GPM6A: variants seen among roughly 807,000 people sequenced by gnomAD.
GPM6A encodes the protein glycoprotein M6A.
Under a neutral mutation model 32.1 loss-of-function variants are expected in GPM6A, and 7 were observed. The observed-to-expected ratio is 0.22, with a 90% confidence interval of 0.12 to 0.41. GPM6A has a LOEUF of 0.41. GPM6A is among the 10% of genes least tolerant of loss of function. The probability of loss-of-function intolerance (pLI) is 1.00; values close to 1 mark genes in which losing one functional copy is unlikely to be tolerated. For missense variants in GPM6A, 235 were observed against 347.2 expected (o/e 0.68, Z 2.57); for synonymous variants, 130 against 123.4 (o/e 1.05, Z -0.35).
intron 1 of GPM6A, among the ~76,000 whole-genome samples, chr4:175,914,915 C>T (rs912525927): frequency 9.9e-5 from 15 of 152,080 alleles, no homozygotes; most frequent in African/African-American, 3.1e-4. Flanking sequence ...CAAGCAATAA[C>T]AATCAAGAAC....
At chr4:175,750,737 T>C (rs1359302914) in intron 1 of GPM6A, among the ~76,000 whole-genome samples, 1 of 152,022 alleles carries the variant, frequency 6.6e-6, no homozygotes, top group Non-Finnish European at 1.5e-5. Context: ...CATGCCCAGC[T>C]AATTTCCTGT....
chr4:175,768,946 T>A (rs913407108), intron 1 of GPM6A, among the ~76,000 whole-genome samples: 2 of 151,920 alleles, frequency 1.3e-5, no homozygotes, highest in African/African-American at 4.8e-5. Context: ...AATACCAAAA[T>A]TAGCTGGGCG....
intron 4 of GPM6A, among the ~76,000 whole-genome samples, chr4:175,651,143 T>C (rs1399139265): frequency 1.3e-5 from 2 of 152,108 alleles, no homozygotes. Flanking sequence ...CTTGGATAAG[T>C]CACTGAACAA....
chr4:175,673,936 T>C (rs918542498), intron 2 of GPM6A, 100 bp from the exon 3 acceptor site: 10 of 713,932 alleles, frequency 1.4e-5, no homozygotes, highest in Admixed American at 2.8e-5. Flanking sequence ...ATGAAAGTTA[T>C]AGAATATTTA....
chr4:175,807,549 T>C (rs1324238192), intron 1 of GPM6A: 1 of 152,208 alleles, frequency 6.6e-6, no homozygotes, highest in Non-Finnish European at 1.5e-5. Context: ...CTGAGAGTCA[T>C]CTTTTCCCCG....
chr4:175,886,257 A>G (rs1737451828), intron 1 of GPM6A, among the ~76,000 whole-genome samples: 1 of 152,188 alleles, frequency 6.6e-6, no homozygotes, highest in Non-Finnish European at 1.5e-5. Flanking sequence ...CTTAAAAGCA[A>G]CTAAAGAAAA....
chr4:175,921,479 T>C (rs1022755746), intron 1 of GPM6A, among the ~76,000 whole-genome samples: 2 of 150,888 alleles, frequency 1.3e-5, no homozygotes, highest in Non-Finnish European at 3.0e-5. Context: ...AATCCACGCA[T>C]GATCCTGCCA....
chr4:175,734,764 TC>T (rs1231956858), intron 1 of GPM6A, among the ~76,000 whole-genome samples: 1 of 151,996 alleles, frequency 6.6e-6, no homozygotes, highest in East Asian at 1.9e-4. Context: ...TCCCAGCTAC[TC>T]GGGAGGCTGA....
intron 1 of GPM6A, among the ~76,000 whole-genome samples, chr4:175,826,334 C>CGTGTGT (rs142364470): frequency 6.7e-6 from 1 of 149,756 alleles, no homozygotes; most frequent in Non-Finnish European, 1.5e-5. Flanking sequence ...GTGGCGTACA[C>CGTGTGT]GTGTGTGTGT....
intron 1 of GPM6A, among the ~76,000 whole-genome samples, chr4:175,900,074 G>A (rs1737910060): frequency 1.3e-5 from 2 of 152,024 alleles, no homozygotes; most frequent in Admixed American, 1.3e-4. Flanking sequence ...GAGATCAGGA[G>A]TTCAAGATCA....
chr4:175,997,888 T>A (rs969666822), intron 1 of GPM6A, among the ~76,000 whole-genome samples: 1 of 152,204 alleles, frequency 6.6e-6, no homozygotes, highest in Non-Finnish European at 1.5e-5. Context: ...ACTGTTCTTA[T>A]GTTGGGGCAT....
At chr4:175,915,247 T>A (rs1738453920) in intron 1 of GPM6A, among the ~76,000 whole-genome samples, 2 of 151,812 alleles carry the variant, frequency 1.3e-5, no homozygotes. Context: ...ATTTGTAACA[T>A]CTATACCAGA....
At chr4:175,934,565 A>G (rs531793094) in intron 1 of GPM6A, among the ~76,000 whole-genome samples, 13 of 152,320 alleles carry the variant, frequency 8.5e-5, no homozygotes, top group Admixed American at 7.2e-4. Flanking sequence ...ATGTTCTAAC[A>G]CTAAAATGTA....
At chr4:175,802,023 C>T (rs1047727641) in intron 1 of GPM6A, among the ~76,000 whole-genome samples, 3 of 152,014 alleles carry the variant, frequency 2.0e-5, no homozygotes, top group African/African-American at 7.2e-5. Context: ...AGATCCCAAT[C>T]ATTTGGAGGG....
chr4:175,942,273 T>G (rs1208903465), intron 1 of GPM6A, among the ~76,000 whole-genome samples: 2 of 152,232 alleles, frequency 1.3e-5, no homozygotes, highest in African/African-American at 2.4e-5. Flanking sequence ...ATTCTGGATA[T>G]TATTCCTTTG....
chr4:175,912,174 T>C (rs1309905691), intron 1 of GPM6A, among the ~76,000 whole-genome samples: 1 of 152,178 alleles, frequency 6.6e-6, no homozygotes, highest in Non-Finnish European at 1.5e-5. Context: ...TTTATTAACT[T>C]TATATGAAAT....
At chr4:175,739,488 C>T (rs1382275636) in intron 1 of GPM6A, among the ~76,000 whole-genome samples, 1 of 152,034 alleles carries the variant, frequency 6.6e-6, no homozygotes, top group Non-Finnish European at 1.5e-5. Flanking sequence ...TGGTAATTCC[C>T]AATTTGAGAG....
intron 1 of GPM6A, among the ~76,000 whole-genome samples, chr4:175,989,485 C>T (rs1741073243): frequency 6.6e-6 from 1 of 151,980 alleles, no homozygotes; most frequent in Non-Finnish European, 1.5e-5. Flanking sequence ...CTTTGCCCTT[C>T]ATCTCAATTA....
At chr4:175,927,329 A>T (rs1374003157) in intron 1 of GPM6A, among the ~76,000 whole-genome samples, 2 of 152,272 alleles carry the variant, frequency 1.3e-5, no homozygotes, top group South Asian at 2.1e-4. Flanking sequence ...TTCCACAGTC[A>T]CTGTGAGCTG....
Sources: allele counts gnomAD v4.1 joint callset (sites outside exome capture counted in the v4.1 genomes callset), GRCh38; gene constraint gnomAD v4.1.1; transcripts MANE v1.5; gene names NCBI Gene and HGNC (gene_info 2026-07-23, HGNC 2026-07-21).